The following CSMD3 variants were observed in gnomAD, a reference collection of about 807,000 sequenced individuals.
The protein encoded by CSMD3 is CUB and Sushi multiple domains 3, also known as CUB and sushi domain-containing protein 3.
In CSMD3, 177 loss-of-function variants were observed where a neutral mutation model predicts 435.2. The observed-to-expected ratio is 0.41, with a 90% CI of 0.36 to 0.46. The LOEUF is 0.46. CSMD3 is among the 20% of genes least tolerant of loss of function. CSMD3 has a pLI of 0.34. For missense variants in CSMD3, 4,265 were observed against 4,504.6 expected, an observed-to-expected ratio of 0.95 and a Z score of 1.52; for synonymous variants, 1,656 against 1,520.5, an observed-to-expected ratio of 1.09 and a Z score of -2.07.
intron 3 of CSMD3, among the ~76,000 whole-genome samples, chr8:113,216,105 A>G (rs2132104481): frequency 6.6e-6 from 1 of 151,956 alleles, no homozygotes; most frequent in South Asian, 2.1e-4. Flanking sequence ...CACACAGAGA[A>G]AAGCAACAAG....
At chr8:113,186,991 T>A (rs760920241) in intron 3 of CSMD3, among the ~76,000 whole-genome samples, 17 of 151,996 alleles carry the variant, frequency 1.1e-4, no homozygotes, top group Non-Finnish European at 2.2e-4. Flanking sequence ...TTGGGGATTT[T>A]CAATTAATAT....
intron 3 of CSMD3, among the ~76,000 whole-genome samples, chr8:113,239,700 A>C (rs1405274528): frequency 1.3e-5 from 2 of 152,182 alleles, no homozygotes; most frequent in East Asian, 1.9e-4. Context: ...TGGTAGTAAA[A>C]GTCTAGACTG....
At chr8:112,631,153 T>G (rs192354069) in intron 22 of CSMD3, among the ~76,000 whole-genome samples, 1 of 152,228 alleles carries the variant, frequency 6.6e-6, no homozygotes, top group East Asian at 1.9e-4. Flanking sequence ...ACAAAAGGGA[T>G]ATTTAAGTTG....
chr8:112,660,700 T>G (rs2075359195), intron 17 of CSMD3, among the ~76,000 whole-genome samples: 1 of 152,186 alleles, frequency 6.6e-6, no homozygotes, highest in Non-Finnish European at 1.5e-5. Context: ...TGGGACTTAA[T>G]TTATTTTATT....
chr8:112,833,007 C>A (rs2079920908), intron 11 of CSMD3, among the ~76,000 whole-genome samples: 1 of 151,972 alleles, frequency 6.6e-6, no homozygotes, highest in South Asian at 2.1e-4. Flanking sequence ...GGATCTTGTT[C>A]TCTTGGTAAG....
chr8:112,525,392 C>T (rs1010650174), intron 27 of CSMD3, among the ~76,000 whole-genome samples: 12 of 149,290 alleles, frequency 8.0e-5, no homozygotes, highest in African/African-American at 2.9e-4. Context: ...TTTATTCTAT[C>T]CCAGAATAAA....
intron 2 of CSMD3, among the ~76,000 whole-genome samples, chr8:113,293,230 T>C (rs559817344): frequency 1.5e-5 from 2 of 131,912 alleles, no homozygotes; most frequent in East Asian, 7.8e-4. Context: ...TATATTTATA[T>C]ATATACATAT....
intron 32 of CSMD3, among the ~76,000 whole-genome samples, chr8:112,409,451 T>G (rs2130087698): frequency 6.6e-6 from 1 of 152,110 alleles, no homozygotes; most frequent in Non-Finnish European, 1.5e-5. Flanking sequence ...ACAGTTTTAA[T>G]TCAGGGGATT....
At chr8:112,297,948 C>G in intron 53 of CSMD3, among the ~76,000 whole-genome samples, 1 of 150,696 alleles carries the variant, frequency 6.6e-6, no homozygotes. Context: ...TAGCAAGACC[C>G]TATCTAAAAA....
intron 14 of CSMD3, among the ~76,000 whole-genome samples, chr8:112,687,789 G>C (rs2076044811): frequency 6.6e-6 from 1 of 151,864 alleles, no homozygotes; most frequent in Non-Finnish European, 1.5e-5. Flanking sequence ...AAATCACATT[G>C]AAAAATCATC....
intron 69 of CSMD3, 97 bp downstream of exon 69, chr8:112,231,448 T>C (rs1220445191): frequency 3.7e-6 from 3 of 808,128 alleles, no homozygotes; most frequent in African/African-American, 1.7e-5. Context: ...GAATTTATAA[T>C]GCAGTAAGTG....
chr8:112,285,178 A>G (rs964971313), intron 58 of CSMD3, among the ~76,000 whole-genome samples: 7 of 152,126 alleles, frequency 4.6e-5, no homozygotes, highest in African/African-American at 1.7e-4. Context: ...AAGCAATATC[A>G]GCACAAGTCT....
chr8:113,274,136 A>G (rs1448153620), intron 3 of CSMD3, among the ~76,000 whole-genome samples: 1 of 152,076 alleles, frequency 6.6e-6, no homozygotes, highest in Non-Finnish European at 1.5e-5. Context: ...TAATTTCAAT[A>G]TAAAAATTTT....
At chr8:113,426,729 A>G (rs949863552) in intron 1 of CSMD3, among the ~76,000 whole-genome samples, 1 of 151,456 alleles carries the variant, frequency 6.6e-6, no homozygotes, top group Non-Finnish European at 1.5e-5. Flanking sequence ...TTTAAATCTC[A>G]ATAAAATCAA....
chr8:112,718,105 G>A (rs1248339787), intron 13 of CSMD3, among the ~76,000 whole-genome samples: 1 of 151,982 alleles, frequency 6.6e-6, no homozygotes, highest in Non-Finnish European at 1.5e-5. Flanking sequence ...ATAGACTCTA[G>A]TGAGAGAAAA....
intron 32 of CSMD3, among the ~76,000 whole-genome samples, chr8:112,444,155 T>TA (rs1020506933): frequency 1.3e-5 from 2 of 152,222 alleles, no homozygotes; most frequent in Non-Finnish European, 2.9e-5. Flanking sequence ...AAATGAAGTG[T>TA]AAGGACAGGT....
At chr8:112,704,005 G>A (rs556462072) in intron 13 of CSMD3, among the ~76,000 whole-genome samples, 1 of 152,164 alleles carries the variant, frequency 6.6e-6, no homozygotes, top group South Asian at 2.1e-4. Context: ...GCAAAATTTA[G>A]AATGGCAGCA....
At chr8:112,654,819 G>A (rs1427920206) in intron 18 of CSMD3, among the ~76,000 whole-genome samples, 3 of 152,128 alleles carry the variant, frequency 2.0e-5, no homozygotes, top group Admixed American at 6.5e-5. Flanking sequence ...CTGGGTAAAG[G>A]ATACAGCAAT....
intron 7 of CSMD3, among the ~76,000 whole-genome samples, chr8:112,969,406 T>C (rs2084556671): frequency 1.3e-5 from 2 of 152,010 alleles, no homozygotes; most frequent in South Asian, 4.1e-4. Flanking sequence ...AACTAGAGTT[T>C]CTTTTAAGCT....
Sources: gnomAD v4.1 joint callset for allele counts (sites outside exome capture counted in the v4.1 genomes callset) on GRCh38, gnomAD v4.1.1 for gene constraint, MANE v1.5 for transcripts, NCBI Gene and HGNC (gene_info 2026-07-23, HGNC 2026-07-21) for gene names.